The following KCNH7 variants were observed in gnomAD, a reference collection of about 807,000 sequenced individuals.
KCNH7 encodes voltage-gated inwardly rectifying potassium channel KCNH7.
KCNH7 carries 49 observed loss-of-function variants against 120.8 expected under a neutral mutation model. The observed-to-expected ratio is 0.41, with a 90% CI of 0.32 to 0.51. The LOEUF (loss-of-function observed/expected upper bound fraction) is 0.51. Ranked by LOEUF, KCNH7 falls within the 20% of genes least tolerant of loss-of-function variation. KCNH7 has a pLI of 0.38. For missense variants in KCNH7, 1,097 were observed against 1,446.6 expected, an observed-to-expected ratio of 0.76 and a Z score of 3.92; for synonymous variants, 547 against 516.1, an observed-to-expected ratio of 1.06 and a Z score of -0.81.
chr2:162,468,854 C>CTT (rs531099082), intron 6 of KCNH7, among the ~76,000 whole-genome samples: 8,270 of 143,666 alleles, frequency 0.058, 722 homozygotes, highest in African/African-American at 0.19. Context: ...GCCTCTTTCC[C>CTT]TTTTTTTTTT....
At chr2:162,416,375 GA>G (rs962524373) in intron 9 of KCNH7, among the ~76,000 whole-genome samples, 1,478 of 65,710 alleles carry the variant, frequency 0.022, 24 homozygotes, top group African/African-American at 0.064. Flanking sequence ...TCCGTCTCTA[GA>G]AAAAAAAAAA....
At chr2:162,432,703 A>T (rs75651723) in intron 8 of KCNH7, among the ~76,000 whole-genome samples, 4,852 of 152,100 alleles carry the variant, frequency 0.032, 275 homozygotes, top group African/African-American at 0.11. Flanking sequence ...CCCACAGCCA[A>T]TATCATGAAT....
chr2:162,392,368 A>G (rs1020872909), intron 12 of KCNH7, among the ~76,000 whole-genome samples: 33 of 151,978 alleles, frequency 2.2e-4, no homozygotes, highest in African/African-American at 7.7e-4. Flanking sequence ...AAAACCACAG[A>G]AACAATGTAC....
intron 2 of KCNH7, among the ~76,000 whole-genome samples, chr2:162,775,981 A>G (rs1683221040): frequency 6.6e-6 from 1 of 152,168 alleles, no homozygotes; most frequent in South Asian, 2.1e-4. Context: ...TATTGTGAGG[A>G]TTACAGAGTG....
At chr2:162,617,657 C>A (rs1294437078) in intron 2 of KCNH7, among the ~76,000 whole-genome samples, 1 of 152,150 alleles carries the variant, frequency 6.6e-6, no homozygotes, top group Non-Finnish European at 1.5e-5. Context: ...CTTATCTCAA[C>A]ACAGAAATTG....
chr2:162,838,580 C>T lies in KCNH7; in HGVS notation c.-62G>A, dbSNP rs1685742838. The stretch of plus-strand genomic sequence containing the variant: ...CTCTGGAGTTCTCCCGGGATCTCTC[C>T]TCGGCTAGAGCCCAGGCCAGCGCGC... On this transcript the variant is annotated 5_prime_UTR_variant, in exon 1 of 16. Coordinates refer to ENST00000332142, the MANE Select transcript of KCNH7 (RefSeq NM_033272.4). 6.4e-6 allele frequency: 9 copies of T among 1,401,364 alleles called. No individual in the cohort carries two copies. In the Middle Eastern group the frequency reaches 2.0e-3, roughly 307 times the overall value. The allele number at this position is 1,401,364 out of a possible 1,614,324, so 86.8% of individuals were successfully genotyped here.
intron 9 of KCNH7, among the ~76,000 whole-genome samples, chr2:162,401,871 C>T (rs947434786): frequency 9.2e-5 from 14 of 151,782 alleles, no homozygotes; most frequent in African/African-American, 3.1e-4. Context: ...GTTTCTCTAC[C>T]GTAGAATGAG....
chr2:162,761,637 C>T (rs1010328832), intron 2 of KCNH7, among the ~76,000 whole-genome samples: 7 of 152,056 alleles, frequency 4.6e-5, no homozygotes, highest in Non-Finnish European at 8.8e-5. Context: ...AGGTTAGAGT[C>T]GATGTCCAAG....
intron 7 of KCNH7, among the ~76,000 whole-genome samples, chr2:162,437,034 T>A (rs1293906362): frequency 6.6e-6 from 1 of 152,058 alleles, no homozygotes; most frequent in South Asian, 2.1e-4. Context: ...AGGTGGAGGA[T>A]CACTTGAGCC....
chr2:162,564,766 T>C (rs1019743411), intron 2 of KCNH7, among the ~76,000 whole-genome samples: 5 of 152,138 alleles, frequency 3.3e-5, no homozygotes, highest in African/African-American at 1.2e-4. Flanking sequence ...ACCTCTAAAG[T>C]TCATTAAAGG....
At chr2:162,555,108 G>A (rs1223565176) in intron 2 of KCNH7, among the ~76,000 whole-genome samples, 1 of 152,222 alleles carries the variant, frequency 6.6e-6, no homozygotes, top group Admixed American at 6.5e-5. Flanking sequence ...GATGAGCATA[G>A]ATATGTCCAG....
chr2:162,521,927 T>A (rs184584824), intron 3 of KCNH7, among the ~76,000 whole-genome samples: 82 of 151,940 alleles, frequency 5.4e-4, no homozygotes, highest in African/African-American at 1.9e-3. Context: ...ACCCTTCCTA[T>A]CCTCTGGTAA....
chr2:162,556,145 CAT>C (rs200463381), intron 2 of KCNH7, among the ~76,000 whole-genome samples: 2 of 151,876 alleles, frequency 1.3e-5, no homozygotes, highest in African/African-American at 4.8e-5. Context: ...GACACACACA[CAT>C]ATATATATAA....
chr2:162,720,821 T>G (rs1033175400), intron 2 of KCNH7, among the ~76,000 whole-genome samples: 1 of 152,150 alleles, frequency 6.6e-6, no homozygotes, highest in South Asian at 2.1e-4. Flanking sequence ...AGTGACTCCT[T>G]TGTTGAGTTA....
intron 9 of KCNH7, among the ~76,000 whole-genome samples, chr2:162,419,766 T>C (rs1687646521): frequency 6.6e-6 from 1 of 152,182 alleles, no homozygotes; most frequent in Admixed American, 6.6e-5. Flanking sequence ...TTGGAGTCCT[T>C]CTTCATTCAA....
chr2:162,799,932 A>T (rs1256842997), intron 2 of KCNH7, among the ~76,000 whole-genome samples: 2 of 125,160 alleles, frequency 1.6e-5, no homozygotes, highest in Non-Finnish European at 3.5e-5. Flanking sequence ...ATTATAAAGT[A>T]CTTTGTTTTA....
intron 2 of KCNH7, among the ~76,000 whole-genome samples, chr2:162,709,570 G>C (rs1686844516): frequency 6.6e-6 from 1 of 152,052 alleles, no homozygotes; most frequent in Non-Finnish European, 1.5e-5. Context: ...AATAAACTTT[G>C]AACTTCTAAA....
chr2:162,443,421 A>G (rs961504382), intron 7 of KCNH7, among the ~76,000 whole-genome samples: 1 of 152,150 alleles, frequency 6.6e-6, no homozygotes, highest in East Asian at 1.9e-4. Flanking sequence ...ATGCATTACC[A>G]TTTATAATTC....
At chr2:162,834,322 T>A (rs1685578088) in intron 2 of KCNH7, among the ~76,000 whole-genome samples, 2 of 151,888 alleles carry the variant, frequency 1.3e-5, no homozygotes, top group African/African-American at 4.8e-5. Flanking sequence ...AAAAGGTCAT[T>A]CAAACTAATA....
Sources: allele counts gnomAD v4.1 joint callset (sites outside exome capture counted in the v4.1 genomes callset), GRCh38; gene constraint gnomAD v4.1.1; transcripts MANE v1.5; gene names NCBI Gene and HGNC (gene_info 2026-07-23, HGNC 2026-07-21).